Variants in BTBD9 observed in about 807,000 individuals in gnomAD.
The protein encoded by BTBD9 is BTB/POZ domain-containing protein 9.
Under a neutral mutation model 64.3 loss-of-function variants are expected in BTBD9, and 49 were observed. The observed-to-expected ratio is 0.76, with a 90% CI of 0.61 to 0.97. The LOEUF is 0.97. Ranked by LOEUF, BTBD9 falls within the 50% of genes least tolerant of loss-of-function variation. BTBD9 has a pLI of 0.00. For synonymous variants in BTBD9, 260 were observed against 274.7 expected, an observed-to-expected ratio of 0.95 and a Z score of 0.53; for missense variants, 598 against 762.1, an observed-to-expected ratio of 0.78 and a Z score of 2.53.
chr6:38,451,601 T>A (rs559249808), intron 6 of BTBD9, among the ~76,000 whole-genome samples: 2 of 152,266 alleles, frequency 1.3e-5, no homozygotes, highest in Admixed American at 6.5e-5. Context: ...AGTACACTCC[T>A]CTTTCTTCTA....
chr6:38,230,437 G>C (rs559872377), intron 9 of BTBD9, among the ~76,000 whole-genome samples: 16 of 140,588 alleles, frequency 1.1e-4, no homozygotes, highest in African/African-American at 1.6e-4. Flanking sequence ...GGAGGTTGTG[G>C]TGAGCCGAGA....
chr6:38,515,968 A>G (rs2127415089), intron 6 of BTBD9, among the ~76,000 whole-genome samples: 1 of 152,364 alleles, frequency 6.6e-6, no homozygotes, highest in Non-Finnish European at 1.5e-5. Flanking sequence ...CTCTGTACAG[A>G]GACTGATGAT....
intron 6 of BTBD9, among the ~76,000 whole-genome samples, chr6:38,538,777 CTTTTTCT>C (rs1345533830): frequency 8.4e-6 from 1 of 118,818 alleles, no homozygotes; most frequent in Non-Finnish European, 1.8e-5. Context: ...CTAGCTTTTT[CTTTTTCT>C]TTTTTTTTTT....
chr6:38,223,497 G>A lies in BTBD9; in HGVS notation c.1563-30900C>T, dbSNP rs187404274. Among the ~76,000 whole-genome samples, 124 of 152,140 alleles carry A rather than the reference G, an allele frequency of 8.2e-4. No homozygotes were observed. The Middle Eastern group carries it at 0.01, about 13-fold the overall frequency. ...TACAGGCACGAGCCACCATGTCTGG[G>A]TAATTTTTATTTATTGTTTTTGTAG... On this transcript the variant is annotated intron_variant, in intron 9 of 10. Coordinates refer to ENST00000481247, the MANE Select transcript of BTBD9 (RefSeq NM_001099272.2).
intron 6 of BTBD9, among the ~76,000 whole-genome samples, chr6:38,396,862 C>A (rs1017775790): frequency 8.7e-5 from 13 of 148,748 alleles, no homozygotes; most frequent in African/African-American, 2.7e-4. Flanking sequence ...AAATAAAATA[C>A]ATTATTAATT....
At chr6:38,520,800 A>T (rs938798328) in intron 6 of BTBD9, among the ~76,000 whole-genome samples, 1 of 151,698 alleles carries the variant, frequency 6.6e-6, no homozygotes, top group Non-Finnish European at 1.5e-5. Flanking sequence ...TTTAAAAAAA[A>T]GCCAGGCCTG....
intron 1 of BTBD9, among the ~76,000 whole-genome samples, chr6:38,606,228 A>G (rs1397851367): frequency 6.6e-6 from 1 of 152,090 alleles, no homozygotes; most frequent in Admixed American, 6.5e-5. Flanking sequence ...CAGCTTGCAG[A>G]GGGCCTATTG....
At chr6:38,253,337 G>A (rs1254743621) in intron 9 of BTBD9, among the ~76,000 whole-genome samples, 1 of 152,164 alleles carries the variant, frequency 6.6e-6, no homozygotes, top group East Asian at 1.9e-4. Context: ...AAGGCAGCAG[G>A]AGAGAGAAGA....
chr6:38,637,500 T>C (rs1778565162), intron 1 of BTBD9, among the ~76,000 whole-genome samples: 3 of 152,244 alleles, frequency 2.0e-5, no homozygotes, highest in Admixed American at 6.5e-5. Context: ...TTGGTCAGTA[T>C]TTTTAAGCAT....
chr6:38,571,122 C>T (rs1490155780), intron 6 of BTBD9, among the ~76,000 whole-genome samples: 1 of 152,148 alleles, frequency 6.6e-6, no homozygotes, highest in African/African-American at 2.4e-5. Context: ...GAAACTAATC[C>T]TGTTTCTTTT....
intron 6 of BTBD9, among the ~76,000 whole-genome samples, chr6:38,389,811 G>C (rs933567800): frequency 1.3e-5 from 2 of 152,140 alleles, no homozygotes; most frequent in Non-Finnish European, 2.9e-5. Context: ...CATTTTACAG[G>C]TTATATTTTC....
At chr6:38,440,579 C>G (rs963485084) in intron 6 of BTBD9, among the ~76,000 whole-genome samples, 7 of 152,120 alleles carry the variant, frequency 4.6e-5, no homozygotes, top group South Asian at 2.1e-4. Flanking sequence ...TTCAAACATT[C>G]TTAGATAAGC....
chr6:38,351,425 T>C (rs1373513380), intron 6 of BTBD9, among the ~76,000 whole-genome samples: 1 of 151,600 alleles, frequency 6.6e-6, no homozygotes, highest in East Asian at 1.9e-4. Flanking sequence ...GAATCAATTA[T>C]ATGGAAGGGA....
intron 6 of BTBD9, among the ~76,000 whole-genome samples, chr6:38,354,709 T>C (rs1014266555): frequency 7.2e-5 from 11 of 152,180 alleles, no homozygotes; most frequent in African/African-American, 2.7e-4. Context: ...TCTGAACCTC[T>C]ACTTAGTGAA....
intron 8 of BTBD9, among the ~76,000 whole-genome samples, chr6:38,283,224 C>T (rs549943287): frequency 6.6e-6 from 1 of 152,278 alleles, no homozygotes; most frequent in East Asian, 1.9e-4. Context: ...ACTTGCCTAC[C>T]CAACTACGGA....
At chr6:38,544,793 G>C (rs536961869) in intron 6 of BTBD9, among the ~76,000 whole-genome samples, 14 of 152,020 alleles carry the variant, frequency 9.2e-5, no homozygotes, top group East Asian at 3.9e-4. Context: ...CGGGCGTGGT[G>C]GTGGGCACCT....
Position 38,597,470 on chromosome 6 carries a change from C to A in BTBD9, c.185+440G>T, listed in dbSNP as rs113643086. Among the ~76,000 whole-genome samples the A allele has an allele frequency of 3.3e-3, 498 of 152,296 alleles. 3 individuals carry two copies. The highest frequency in any genetic ancestry group is 0.011 in the African/African-American group (455 of 41,548). Reference sequence around the variant, plus strand: ...CCAAGTAACCAACAACAGCTGCATACAAGTGCACGTCTTAGATCTGCTGGG... The same window carrying A: ...CCAAGTAACCAACAACAGCTGCATAAAAGTGCACGTCTTAGATCTGCTGGG... On this transcript the variant is annotated intron_variant, in intron 2 of 10. Coordinates refer to ENST00000481247, the MANE Select transcript of BTBD9 (RefSeq NM_001099272.2).
chr6:38,604,451 T>C (rs576070135), intron 1 of BTBD9, among the ~76,000 whole-genome samples: 72 of 152,354 alleles, frequency 4.7e-4, no homozygotes, highest in African/African-American at 1.5e-3. Context: ...ATGTATATGA[T>C]TCATTCAATT....
intron 6 of BTBD9, among the ~76,000 whole-genome samples, chr6:38,554,604 T>C (rs1774939537): frequency 6.6e-6 from 1 of 152,216 alleles, no homozygotes; most frequent in South Asian, 2.1e-4. Flanking sequence ...TTGCATACTG[T>C]TTGGAAGTTA....
Sources: gnomAD v4.1 joint callset for allele counts (sites outside exome capture counted in the v4.1 genomes callset) on GRCh38, gnomAD v4.1.1 for gene constraint, MANE v1.5 for transcripts, NCBI Gene and HGNC (gene_info 2026-07-23, HGNC 2026-07-21) for gene names.